Variants in ARAP2 observed in about 807,000 individuals in gnomAD.
ARAP2 encodes the protein ArfGAP with RhoGAP domain, ankyrin repeat and PH domain 2, also known as arf-GAP with Rho-GAP domain, ANK repeat and PH domain-containing protein 2.
ARAP2 carries 148 observed loss-of-function variants against 194.5 expected under a neutral mutation model. The ratio of observed to expected loss-of-function variants is 0.76; its 90% CI spans 0.67 to 0.87. The LOEUF is 0.87. ARAP2 is among the 40% of genes least tolerant of loss of function. The pLI is 0.00. For synonymous variants in ARAP2, 695 were observed against 683.5 expected (o/e 1.02, Z -0.26); for missense variants, 2,128 against 1,989.7 (o/e 1.07, Z -1.32).
At chr4:36,107,057 C>T (rs1158877490) in intron 27 of ARAP2, among the ~76,000 whole-genome samples, 3 of 151,816 alleles carry the variant, frequency 2.0e-5, no homozygotes, top group Middle Eastern at 3.2e-3. Flanking sequence ...CTTAATTAAC[C>T]GTACATGAGC....
intron 27 of ARAP2, among the ~76,000 whole-genome samples, chr4:36,092,338 A>G (rs560079593): frequency 6.6e-6 from 1 of 152,256 alleles, no homozygotes; most frequent in Admixed American, 6.5e-5. Context: ...GGCTGGGCGC[A>G]GTGGCTCACA....
chr4:36,238,578 G>A (rs368186169), intron 1 of ARAP2, among the ~76,000 whole-genome samples: 3 of 152,240 alleles, frequency 2.0e-5, no homozygotes, highest in East Asian at 1.9e-4. Context: ...ATTCACACTA[G>A]GGAAATGCTG....
intron 2 of ARAP2, among the ~76,000 whole-genome samples, chr4:36,057,034 T>C (rs1441815332): frequency 7.6e-6 from 1 of 131,080 alleles, no homozygotes; most frequent in Non-Finnish European, 1.7e-5. Context: ...ATCTAAAACA[T>C]TATCTGTAGT....
chr4:36,231,805 G>A (rs943004161), intron 1 of ARAP2, among the ~76,000 whole-genome samples: 1 of 152,056 alleles, frequency 6.6e-6, no homozygotes, highest in African/African-American at 2.4e-5. Flanking sequence ...CAAGGAATGA[G>A]GTGACCTACC....
chr4:36,162,768 A>G (rs1734396015), intron 11 of ARAP2, among the ~76,000 whole-genome samples: 1 of 152,192 alleles, frequency 6.6e-6, no homozygotes, highest in African/African-American at 2.4e-5. Context: ...GGACTGCTGC[A>G]GTAACCTAGG....
chr4:36,065,412 A>G, downstream of ARAP2: 1 of 508,552 alleles, frequency 2.0e-6, no homozygotes, highest in Non-Finnish European at 4.0e-6. Flanking sequence ...ACACTCAGGG[A>G]AAAGAGCTCT....
chr4:36,082,701 C>T (rs943745203), intron 29 of ARAP2, among the ~76,000 whole-genome samples: 1 of 152,110 alleles, frequency 6.6e-6, no homozygotes, highest in East Asian at 1.9e-4. Context: ...AAATTTTCAG[C>T]AGCAAAATCT....
At chr4:36,055,862 C>A (rs1723422634) in intron 2 of ARAP2, among the ~76,000 whole-genome samples, 1 of 152,166 alleles carries the variant, frequency 6.6e-6, no homozygotes, top group Non-Finnish European at 1.5e-5. Context: ...CTGCGCCCAG[C>A]CAGTTTCAGG....
chr4:36,216,190 A>C (rs2109294747), intron 2 of ARAP2, among the ~76,000 whole-genome samples: 1 of 152,076 alleles, frequency 6.6e-6, no homozygotes, highest in Non-Finnish European at 1.5e-5. Flanking sequence ...CAGGAGGTTG[A>C]GGCTGCAGTG....
chr4:36,226,629 G>A (rs1219093113), intron 2 of ARAP2, among the ~76,000 whole-genome samples: 2 of 151,908 alleles, frequency 1.3e-5, no homozygotes, highest in Non-Finnish European at 2.9e-5. Context: ...GGATTCTTGT[G>A]GCACATAAAA....
At chr4:36,146,671 C>T (rs1729695900) in intron 19 of ARAP2, among the ~76,000 whole-genome samples, 1 of 152,078 alleles carries the variant, frequency 6.6e-6, no homozygotes, top group African/African-American at 2.4e-5. Flanking sequence ...AACACGGATA[C>T]TATCCCATCA....
intron 5 of ARAP2, among the ~76,000 whole-genome samples, chr4:36,211,934 G>A (rs1373820203): frequency 6.6e-6 from 1 of 152,034 alleles, no homozygotes; most frequent in African/African-American, 2.4e-5. Context: ...TGAAGTTGGT[G>A]CATACAAATT....
chr4:36,084,865 T>TA (rs1286062357), intron 28 of ARAP2, among the ~76,000 whole-genome samples: 1 of 151,980 alleles, frequency 6.6e-6, no homozygotes, highest in South Asian at 2.1e-4. Flanking sequence ...TAATATGTTT[T>TA]AAAAAAACCA....
intron 2 of ARAP2, among the ~76,000 whole-genome samples, chr4:36,052,641 C>A (rs1169769176): frequency 6.6e-6 from 1 of 152,198 alleles, no homozygotes; most frequent in Non-Finnish European, 1.5e-5. Context: ...TTTTAATGAA[C>A]ACCCCAAAAT....
chr4:36,224,123 C>A (rs1578337146), intron 2 of ARAP2, among the ~76,000 whole-genome samples: 3 of 148,282 alleles, frequency 2.0e-5, no homozygotes, highest in African/African-American at 2.5e-5. Flanking sequence ...CAAAGATATC[C>A]CCTTATGAAC....
At chr4:36,031,465 T>G (rs1039038874) in intron 5 of ARAP2, among the ~76,000 whole-genome samples, 13 of 152,198 alleles carry the variant, frequency 8.5e-5, no homozygotes, top group African/African-American at 2.9e-4. Context: ...GTGTTGTGTT[T>G]TGTTTTTCTT....
chr4:36,240,509 G>A (rs1753305969), intron 1 of ARAP2, among the ~76,000 whole-genome samples: 1 of 152,202 alleles, frequency 6.6e-6, no homozygotes, highest in Non-Finnish European at 1.5e-5. Context: ...TCTGCCATGT[G>A]CTACCTGTGT....
intron 1 of ARAP2, among the ~76,000 whole-genome samples, chr4:36,230,292 T>C (rs1465903809): frequency 6.6e-6 from 1 of 152,256 alleles, no homozygotes; most frequent in Admixed American, 6.5e-5. Flanking sequence ...TTTCAAGTTT[T>C]ATGCAATTTT....
downstream of ARAP2, chr4:36,065,357 C>G (rs576243281): frequency 1.3e-5 from 7 of 521,720 alleles, no homozygotes; most frequent in Admixed American, 7.9e-5. Flanking sequence ...CAAAGTAGGC[C>G]AGGCCCTTCT....
Sources: gnomAD v4.1 joint callset for allele counts (sites outside exome capture counted in the v4.1 genomes callset) on GRCh38, gnomAD v4.1.1 for gene constraint, MANE v1.5 for transcripts, NCBI Gene and HGNC (gene_info 2026-07-23, HGNC 2026-07-21) for gene names.